The following MED23 variants were observed in gnomAD, a reference collection of about 807,000 sequenced individuals.
MED23 encodes mediator complex subunit 23.
In MED23, 105 loss-of-function variants were observed where a neutral mutation model predicts 163.9. That is an observed-to-expected ratio of 0.64 (90% CI 0.55 to 0.75). The LOEUF is 0.75. MED23 is among the 30% of genes least tolerant of loss of function. The pLI, the probability that MED23 is intolerant of heterozygous loss-of-function variation, is 0.00. For synonymous variants in MED23, 561 were observed against 565.6 expected (o/e 0.99, Z 0.12); for missense variants, 1,054 against 1,649.0 (o/e 0.64, Z 6.25).
chr6:131,618,569 T>C, intron 8 of MED23, 50 bp from the exon 9 acceptor site: 1 of 1,115,024 alleles, frequency 9.0e-7, no homozygotes, highest in East Asian at 2.4e-5. Flanking sequence ...ACAGCAGTAC[T>C]TCATTCACTT....
Position 131,598,879 on chromosome 6 carries a change from G to T in MED23, c.2221-118C>A. 1 of 898,674 alleles carries T rather than the reference G, an allele frequency of 1.1e-6. No individual in the cohort carries two copies. The highest frequency in any genetic ancestry group is 1.8e-6 in the Non-Finnish European group (1 of 559,292). 55.7% of individuals were successfully genotyped at this position (898,674 alleles called of 1,614,324 possible). ...ACTAATAAACTCTAGGTCACCTTGA[G>T]CAACTCAGCAATTAAGGCCTGAATT... On this transcript the variant is annotated intron_variant, in intron 18 of 28. Transcript: ENST00000368068. This position sits in a 1 kb window ranked among gnomAD's most constrained non-coding sequence, Gnocchi z 4.7.
intron 28 of MED23, among the ~76,000 whole-genome samples, chr6:131,588,775 G>C (rs570552025): frequency 1.3e-5 from 2 of 152,204 alleles, no homozygotes; most frequent in South Asian, 4.1e-4. Flanking sequence ...AGGAAACTCA[G>C]TTATGATTCA....
chr6:131,596,073 C>T lies in MED23; in HGVS notation c.2869G>A (p.Gly957Arg), dbSNP rs1370196278. 2.5e-6 allele frequency: 4 copies of T among 1,614,006 alleles called. No homozygotes were observed. The change falls in exon 22 of 29, where the codon GGG (glycine) becomes AGG (arginine). Residue 957 changes from glycine (G) to arginine (R), a missense_variant. Coordinates refer to ENST00000368068, the MANE Select transcript of MED23 (RefSeq NM_004830.4). ...GGAAGGAATCGAAGACACACATTCC[C>T]AAAATAGATGGGCAGATAGGGAGAC... The part of the protein sequence containing the change: ...IQSPYLPIYF[G>R]NVCLRFLPVF...
chr6:131,621,972 C>T lies in MED23; in HGVS notation c.404G>A (p.Arg135Gln). 6.2e-7 allele frequency: 1 copy of T among 1,610,878 alleles called. No individual in the cohort carries two copies. Among genetic ancestry groups the T allele is most frequent in the Non-Finnish European group, 8.5e-7 (1 of 1,177,238 alleles). Residue 135 changes from arginine (R) to glutamine (Q), a missense_variant, in exon 6 of 29, where the codon CGA (arginine) becomes CAA (glutamine). By Grantham distance (43) the Arg-to-Gln change is conservative (BLOSUM62 1). This residue lies in a region of MED23 where 227 missense variants were observed against 235.5 expected (regional missense o/e 0.96). Coordinates refer to ENST00000368068, the MANE Select transcript of MED23 (RefSeq NM_004830.4). The stretch of plus-strand genomic sequence containing the variant: ...CTCCAAAATCACTTTTAAGAGATCT[C>T]GAACACCCTGATATAAGAAAAAAGA... ...IIGGVDYKGV[R>Q]DLLKVILEKI...
At chr6:131,584,032 A>G (rs1174907667), downstream of MED23, 7 of 1,105,552 alleles carry the variant, frequency 6.3e-6, no homozygotes, top group Admixed American at 1.6e-4. Context: ...TCCAATTAGT[A>G]TAAACTCTAC....
At chr6:131,610,720 T>C (rs1776221505) in intron 10 of MED23, among the ~76,000 whole-genome samples, 1 of 152,200 alleles carries the variant, frequency 6.6e-6, no homozygotes, top group African/African-American at 2.4e-5. Flanking sequence ...GTAACCCCTA[T>C]AAGTTTACAC....
Position 131,587,747 on chromosome 6 carries a change from C to T in MED23, c.4039G>A (p.Ala1347Thr). The change falls in exon 29 of 29, where the codon GCC becomes ACC. Residue 1347 changes from alanine (A) to threonine (T), a missense_variant. By Grantham distance (58) the Ala-to-Thr change is moderately conservative. Transcript: ENST00000368068. ...GGTGCTGGAGACCCACTGTTCATGG[C>T]TTGTGGAGGCACTGCAGCTGGCTCC... Reference protein sequence around the residue: ...KMEPAAVPPQAMNSGSPAPQS... With the variant: ...KMEPAAVPPQTMNSGSPAPQS... 6.2e-7 allele frequency: 1 copy of T among 1,614,136 alleles called. No individual in the cohort carries two copies. Among genetic ancestry groups the T allele is most frequent in the Non-Finnish European group, 8.5e-7 (1 of 1,179,996 alleles).
chr6:131,600,376 G>C (rs939350776), intron 17 of MED23, among the ~76,000 whole-genome samples: 4 of 152,160 alleles, frequency 2.6e-5, no homozygotes, highest in African/African-American at 9.7e-5. Context: ...TTTATGAAAA[G>C]ATGACAAAAG....
At chr6:131,616,751 G>A (rs980094249) in intron 9 of MED23, among the ~76,000 whole-genome samples, 6 of 152,176 alleles carry the variant, frequency 3.9e-5, no homozygotes, top group African/African-American at 1.4e-4. Flanking sequence ...AGCCCCAAAG[G>A]TTGAGGGTGC....
At chr6:131,583,601 CA>C, downstream of MED23, 2 of 1,527,430 alleles carry the variant, frequency 1.3e-6, no homozygotes, top group Middle Eastern at 1.8e-4. Context: ...GAATGTCCAT[CA>C]GTCACATGAT....
At chr6:131,583,010 G>A (rs371402138), downstream of MED23, 58 of 1,323,096 alleles carry the variant, frequency 4.4e-5, no homozygotes, top group African/African-American at 4.3e-4. Context: ...GGAGACAGGC[G>A]GGCACAGTCA....
rs1442532365 is a variant in MED23, at chr6:131,586,928, G to A, written c.*751C>T. 1.3e-5 allele frequency: 19 copies of A among 1,465,920 alleles called. No homozygotes were observed. Among genetic ancestry groups the A allele is most frequent in the Non-Finnish European group, 1.8e-5 (19 of 1,085,548 alleles). 90.8% of individuals were successfully genotyped at this position (1,465,920 alleles called of 1,614,324 possible). Reference sequence around the variant, plus strand: ...AAGAATTACATCATCTGTCAGGTGAGAGTGTCAACCTGCAAAAGCAATTAA... The same window carrying A: ...AAGAATTACATCATCTGTCAGGTGAAAGTGTCAACCTGCAAAAGCAATTAA... On this transcript the variant is annotated 3_prime_UTR_variant, in exon 29 of 29. Coordinates refer to ENST00000368068, the MANE Select transcript of MED23 (RefSeq NM_004830.4).
At position 131,586,794 on chromosome 6, in the gene MED23, C is replaced by T. The variant is rs746735680; in HGVS notation, c.*885G>A. The T allele has an allele frequency of 2.9e-5, 44 of 1,497,236 alleles. 1 individual carries two copies. The Admixed American group carries it at 5.1e-4, about 17-fold the overall frequency. 92.7% of individuals were successfully genotyped at this position (1,497,236 alleles called of 1,614,324 possible). A position where few individuals can be genotyped will look rare whatever the true frequency, so the allele number is the denominator to read the frequency against. Reference sequence around the variant, plus strand: ...TTTACTCATTAGTTTTCAAGTCTTTCGCAATGCCAATTCCCCCAAAATTAA... The same window carrying T: ...TTTACTCATTAGTTTTCAAGTCTTTTGCAATGCCAATTCCCCCAAAATTAA... On this transcript the variant is annotated 3_prime_UTR_variant, in exon 29 of 29. Transcript: ENST00000368068.
intron 7 of MED23, among the ~76,000 whole-genome samples, chr6:131,620,129 G>A (rs1479031333): frequency 6.6e-6 from 1 of 151,862 alleles, no homozygotes; most frequent in Non-Finnish European, 1.5e-5. Flanking sequence ...ATTTGATGAA[G>A]CTGATCATAT....
chr6:131,608,278 A>G (rs1776003689), intron 11 of MED23, among the ~76,000 whole-genome samples: 1 of 152,122 alleles, frequency 6.6e-6, no homozygotes, highest in African/African-American at 2.4e-5. Flanking sequence ...TTAATATTAT[A>G]TATATGCTTA....
chr6:131,598,168 G>T lies in MED23; in HGVS notation c.2607+119C>A. On this transcript the variant is annotated intron_variant, in intron 20 of 28. Coordinates refer to ENST00000368068, the MANE Select transcript of MED23 (RefSeq NM_004830.4). The surrounding 1 kb of genome is among the most constrained non-coding windows in gnomAD (Gnocchi z 4.7). ...GGCTCTTTAGGGAAGTGACAGCAAT[G>T]CTTGATATAGTATAAATTCATTAAA... The T allele has an allele frequency of 3.9e-6, 4 of 1,029,726 alleles. No individual in the cohort carries two copies. The highest frequency in any genetic ancestry group is 5.8e-6 in the Non-Finnish European group (4 of 684,452). The allele number at this position is 1,029,726 out of a possible 1,614,324, so 63.8% of individuals were successfully genotyped here.
chr6:131,596,660 G>C lies in MED23; in HGVS notation c.2636C>G (p.Ala879Gly), dbSNP rs770701219. 6.2e-7 allele frequency: 1 copy of C among 1,614,050 alleles called. No individual in the cohort carries two copies. Among genetic ancestry groups the C allele is most frequent in the Non-Finnish European group, 8.5e-7 (1 of 1,180,004 alleles). ...CTGAATTATGAAATAACAAACCTGG[G>C]CTTCATTTCCTTCGTGACTACGCAT... ...LAMRSHEGNE[A>G]QVCYFIIQLL... The change falls in exon 21 of 29, where the codon GCC becomes GGC. Residue 879 changes from alanine to glycine, a missense_variant. Coordinates refer to ENST00000368068, the MANE Select transcript of MED23 (RefSeq NM_004830.4).
intron 17 of MED23, among the ~76,000 whole-genome samples, chr6:131,600,727 C>T (rs955933198): frequency 4.0e-5 from 6 of 151,180 alleles, no homozygotes; most frequent in Non-Finnish European, 7.4e-5. Context: ...TCAATGAGGT[C>T]AAATAATAAT....
Position 131,587,516 on chromosome 6 carries a change from A to G in MED23, c.*163T>C. The G allele has an allele frequency of 1.4e-6, 2 of 1,471,108 alleles. No individual in the cohort carries two copies. Among genetic ancestry groups the G allele is most frequent in the Non-Finnish European group, 1.8e-6 (2 of 1,113,338 alleles). The allele number at this position is 1,471,108 out of a possible 1,614,324, so 91.1% of individuals were successfully genotyped here. A position where few individuals can be genotyped will look rare whatever the true frequency, so the allele number is the denominator to read the frequency against. On this transcript the variant is annotated 3_prime_UTR_variant, in exon 29 of 29. Coordinates refer to ENST00000368068, the MANE Select transcript of MED23 (RefSeq NM_004830.4). ...AAATATAGATAGGGAGATGGGAGTT[A>G]TAAGGTGTCAACAGATTCATCATTT... is the stretch of plus-strand genomic sequence containing the variant.
Sources: allele counts gnomAD v4.1 joint callset (sites outside exome capture counted in the v4.1 genomes callset), GRCh38; gene constraint gnomAD v4.1.1; regional missense constraint gnomAD v4.1.1; non-coding constraint Gnocchi (gnomAD v3.1); transcripts MANE v1.5; gene names NCBI Gene and HGNC (gene_info 2026-07-23, HGNC 2026-07-21).